RASGRF1: variants seen among roughly 807,000 people sequenced by gnomAD.
RASGRF1 encodes Ras protein specific guanine nucleotide releasing factor 1, also known as ras-specific guanine nucleotide-releasing factor 1.
Under a neutral mutation model 138.7 loss-of-function variants are expected in RASGRF1, and 40 were observed. That is an observed-to-expected ratio of 0.29 (90% confidence interval 0.22 to 0.38). The LOEUF is 0.38. Ranked by LOEUF, RASGRF1 falls within the 10% of genes least tolerant of loss-of-function variation. RASGRF1 has a pLI of 1.00. For missense variants in RASGRF1, 1,108 were observed against 1,650.4 expected (o/e 0.67, Z 5.69); for synonymous variants, 614 against 663.2 (o/e 0.93, Z 1.14).
intron 16 of RASGRF1, among the ~76,000 whole-genome samples, chr15:79,000,537 A>C (rs1005359893): frequency 6.6e-6 from 1 of 152,196 alleles, no homozygotes; most frequent in African/African-American, 2.4e-5. Flanking sequence ...ACATAGATGA[A>C]AGTACTTTGT....
intron 5 of RASGRF1, among the ~76,000 whole-genome samples, chr15:79,039,996 T>C (rs2057275549): frequency 6.6e-6 from 1 of 152,220 alleles, no homozygotes; most frequent in South Asian, 2.1e-4. Context: ...CTTGAATTCC[T>C]GGCTAAAGCA....
At position 78,985,506 on chromosome 15, in the gene RASGRF1, A is replaced by G. The variant is rs557262360; in HGVS notation, c.3217-302T>C. 18 of 252,878 alleles carry G rather than the reference A, an allele frequency of 7.1e-5. No homozygotes were observed. In the East Asian group the frequency reaches 1.5e-3, roughly 20 times the overall value. The allele number at this position is 252,878 out of a possible 1,614,324, so 15.7% of individuals were successfully genotyped here. ...ATGAGAACTATGTAGGATGGAAAAA[A>G]CAGGTCACCAAAGGATATAAAAGGC... On this transcript the variant is annotated intron_variant, in intron 22 of 26. Coordinates refer to ENST00000558480, the MANE Select transcript of RASGRF1 (RefSeq NM_001145648.3).
At chr15:79,020,202 CA>C in intron 10 of RASGRF1, 98 bp from the exon 11 acceptor site, 1 of 1,147,122 alleles carries the variant, frequency 8.7e-7, no homozygotes, top group Non-Finnish European at 1.3e-6. Context: ...TAACAAGGAG[CA>C]TCCATGTATA....
At chr15:79,004,622 C>G in intron 14 of RASGRF1, 1 of 987,872 alleles carries the variant, frequency 1.0e-6, no homozygotes, top group Non-Finnish European at 1.2e-6. Flanking sequence ...TCTGATGCCT[C>G]CTACTCTAAA....
At position 79,005,243 on chromosome 15, in the gene RASGRF1, CG is replaced by C. The variant is rs975132203; in HGVS notation, c.2075+942del. 5 of 985,474 alleles carry C rather than the reference CG, an allele frequency of 5.1e-6. No homozygotes were observed. The African/African-American group carries it at 8.7e-5, about 17-fold the overall frequency. The allele number at this position is 985,474 out of a possible 1,614,324, so 61.0% of individuals were successfully genotyped here. A position where few individuals can be genotyped will look rare whatever the true frequency, so the allele number is the denominator to read the frequency against. On this transcript the variant is annotated intron_variant, in intron 14 of 26. Coordinates refer to ENST00000558480, the MANE Select transcript of RASGRF1 (RefSeq NM_001145648.3). ...AAGAGGGAACGGGTGTATTCTGGGT[CG>C]TTGCGTTGCTCTGGCAGCAGAGGTG...
chr15:79,075,520 G>A (rs2057821343), intron 1 of RASGRF1, among the ~76,000 whole-genome samples: 2 of 152,290 alleles, frequency 1.3e-5, no homozygotes, highest in South Asian at 4.2e-4. Flanking sequence ...CTGGAAGCTG[G>A]GGCTGGGGGC....
chr15:79,073,646 G>A lies in RASGRF1; in HGVS notation c.277-9120C>T, dbSNP rs2057791214. On this transcript the variant is annotated intron_variant, in intron 1 of 26. Coordinates refer to ENST00000558480, the MANE Select transcript of RASGRF1 (RefSeq NM_001145648.3). The surrounding 1 kb of genome is among the most constrained non-coding windows in gnomAD (Gnocchi z 4.2). ...GTGGCGTGTCAGGCTCTGGCTACAG[G>A]TGGTTGAGGATGGCATGGGGACAAG... Among the ~76,000 whole-genome samples the A allele has an allele frequency of 1.3e-5, 2 of 152,174 alleles. No individual in the cohort carries two copies. Among genetic ancestry groups the A allele is most frequent in the South Asian group, 4.1e-4 (2 of 4,832 alleles).
chr15:78,969,333 T>C (rs1189563226), intron 26 of RASGRF1, among the ~76,000 whole-genome samples: 1 of 152,232 alleles, frequency 6.6e-6, no homozygotes, highest in Non-Finnish European at 1.5e-5. Context: ...AACACTTGGA[T>C]GCATAATATA....
chr15:79,022,764 G>A (rs2056979435), intron 10 of RASGRF1, among the ~76,000 whole-genome samples: 1 of 152,182 alleles, frequency 6.6e-6, no homozygotes, highest in South Asian at 2.1e-4. Flanking sequence ...GTGGCCATGT[G>A]AACATAAGCA....
At position 79,027,844 on chromosome 15, in the gene RASGRF1, T is replaced by C; in HGVS notation, c.1278A>G (p.Glu426=). 6.2e-7 allele frequency: 1 copy of C among 1,614,234 alleles called. No individual in the cohort carries two copies. Among genetic ancestry groups the C allele is most frequent in the Non-Finnish European group, 8.5e-7 (1 of 1,180,042 alleles). Residue 426 remains glutamate, a synonymous_variant, in exon 9 of 27, where the codon GAA becomes GAG. Transcript: ENST00000558480. The surrounding 1 kb of genome is among the most constrained non-coding windows in gnomAD (Gnocchi z 4.8). ...LEELSRIMHD[E]VSETENIRKN... ...TCCGGATGTTCTCCGTCTCACTTAC[T>C]TCATCGTGCATTATTCTGTGGGGAT... is the stretch of plus-strand genomic sequence containing the variant.
intron 5 of RASGRF1, among the ~76,000 whole-genome samples, chr15:79,040,778 A>G (rs1400135432): frequency 6.6e-6 from 1 of 152,242 alleles, no homozygotes; most frequent in Non-Finnish European, 1.5e-5. Context: ...AAAATGATTG[A>G]TTCTTTTAAA....
intron 8 of RASGRF1, among the ~76,000 whole-genome samples, chr15:79,029,643 T>C (rs1189431858): frequency 6.6e-6 from 1 of 151,994 alleles, no homozygotes; most frequent in Admixed American, 6.6e-5. Flanking sequence ...GAAGGCCCAG[T>C]CCCCAGAGGT....
intron 2 of RASGRF1, among the ~76,000 whole-genome samples, chr15:79,060,554 G>A (rs748359729): frequency 2.6e-5 from 4 of 152,180 alleles, no homozygotes; most frequent in Non-Finnish European, 5.9e-5. Flanking sequence ...CACCACCCCC[G>A]CTCAGGCACC....
chr15:78,985,670 C>T (rs1663269540), intron 22 of RASGRF1: 1 of 156,030 alleles, frequency 6.4e-6, no homozygotes, highest in African/African-American at 2.4e-5. Flanking sequence ...AATCCCAGCA[C>T]TTTGGGAGGC....
In RASGRF1 at chr15:79,050,433, A is replaced by G. The variant is rs563007685; in HGVS notation, c.532-845T>C. 6.6e-6 allele frequency among the ~76,000 whole-genome samples: 1 copy of G among 152,262 alleles called. No individual in the cohort carries two copies. The highest frequency in any genetic ancestry group is 1.9e-4 in the East Asian group (1 of 5,186). On this transcript the variant is annotated intron_variant, in intron 3 of 26. Transcript: ENST00000558480. The surrounding 1 kb of genome is among the most constrained non-coding windows in gnomAD (Gnocchi z 4.1). The stretch of plus-strand genomic sequence containing the variant: ...TCTAGGTAATCCCTTTATTTTTCAA[A>G]CAAAATTGTATCTGGATATAAATCA...
At chr15:78,983,175 C>A (rs927221577) in intron 23 of RASGRF1, among the ~76,000 whole-genome samples, 9 of 152,196 alleles carry the variant, frequency 5.9e-5, no homozygotes, top group African/African-American at 2.2e-4. Context: ...CAGGCCATGG[C>A]CAGGAACTTC....
At chr15:78,997,992 G>A in intron 19 of RASGRF1, 104 bp downstream of exon 19, 2 of 959,024 alleles carry the variant, frequency 2.1e-6, no homozygotes, top group Non-Finnish European at 3.3e-6. Flanking sequence ...CTTGACAAGG[G>A]CGCTCTTCAC....
Position 78,985,019 on chromosome 15 carries a change from T to A in RASGRF1, c.3402A>T (p.Lys1134Asn), listed in dbSNP as rs889428370. The A allele has an allele frequency of 3.1e-6, 5 of 1,614,016 alleles. No homozygotes were observed. The highest frequency in any genetic ancestry group is 3.4e-6 in the Non-Finnish European group (4 of 1,179,958). The change falls in exon 23 of 27, where the codon AAA (lysine) becomes AAT (asparagine). Residue 1134 changes from lysine (K) to asparagine (N), a missense_variant. Lys to Asn is a moderately conservative substitution (Grantham distance 94). Coordinates refer to ENST00000558480, the MANE Select transcript of RASGRF1 (RefSeq NM_001145648.3). ...CTCCTGCCCGCACCTGCTTAGAGAC[T>A]TTGAGCCACGTCTTTTTGAGCCGGA... ...AIFRLKKTWL[K>N]VSKQTKALID... is the part of the protein sequence containing the mutation.
chr15:78,971,949 G>A lies in RASGRF1; in HGVS notation c.3613-15C>T. 6.4e-7 allele frequency: 1 copy of A among 1,562,062 alleles called. No homozygotes were observed. Among genetic ancestry groups the A allele is most frequent in the Non-Finnish European group, 8.8e-7 (1 of 1,132,650 alleles). ...ATATGGGATATCTGTGGGAAGGAAG[G>A]AGTGTTTCAGAATGCAGTTTGCTCT... On this transcript the variant is annotated splice_polypyrimidine_tract_variant and intron_variant, in intron 25 of 26. Transcript: ENST00000558480.
Sources: allele counts gnomAD v4.1 joint callset (sites outside exome capture counted in the v4.1 genomes callset), GRCh38; gene constraint gnomAD v4.1.1; non-coding constraint Gnocchi (gnomAD v3.1); transcripts MANE v1.5; gene names NCBI Gene and HGNC (gene_info 2026-07-23, HGNC 2026-07-21).